The following MED24 variants were observed in gnomAD, a reference collection of about 807,000 sequenced individuals.
The protein encoded by MED24 is mediator complex subunit 24, also known as mediator of RNA polymerase II transcription subunit 24.
A neutral mutation model predicts 118.8 loss-of-function variants in MED24; 74 were observed. The ratio of observed to expected loss-of-function variants is 0.62; its 90% CI spans 0.52 to 0.76. The LOEUF (loss-of-function observed/expected upper bound fraction) is 0.76, where lower values mean the gene tolerates loss of function less well. Ranked by LOEUF, MED24 falls within the 30% of genes least tolerant of loss-of-function variation. The probability of loss-of-function intolerance (pLI) is 0.00; values close to 1 mark genes in which losing one functional copy is unlikely to be tolerated. For synonymous variants in MED24, 521 were observed against 523.9 expected, an observed-to-expected ratio of 0.99 and a Z score of 0.08; for missense variants, 1,041 against 1,278.9, an observed-to-expected ratio of 0.81 and a Z score of 2.84.
chr17:40,028,199 T>A (rs1315746999), intron 14 of MED24: 2 of 417,276 alleles, frequency 4.8e-6, no homozygotes, highest in Non-Finnish European at 4.4e-6. Flanking sequence ...CACTGCAACC[T>A]CCGCCTCTGT....
intron 3 of MED24, among the ~76,000 whole-genome samples, chr17:40,038,209 TCTAGCATC>T (rs138457513): frequency 0.2 from 30,647 of 151,994 alleles, 3,074 homozygotes; most frequent in South Asian, 0.27. Flanking sequence ...TATCTGTTTC[TCTAGCATC>T]CAGCCCAAGA....
At position 40,022,001 on chromosome 17, in the gene MED24, T is replaced by G. The variant is rs764313111; in HGVS notation, c.2577A>C (p.Arg859=). 1 of 1,611,806 alleles carries G rather than the reference T, an allele frequency of 6.2e-7. No individual in the cohort carries two copies. The highest frequency in any genetic ancestry group is 1.7e-4 in the Middle Eastern group (1 of 6,050). The part of the protein sequence containing the change: ...LDDVQPSKLM[R]LLSSNEDDAN... ...CATCGTCCTCATTAGAGCTCAGCAG[T>G]CGCATCAACTTCGAAGGCTGCACAT... Residue 859 remains arginine (R), a synonymous_variant, in exon 23 of 26, where the codon CGA becomes CGC. Transcript: ENST00000394128.
rs1984924335 is a variant in MED24 at position 40,044,394 on chromosome 17, C to T, written c.214-8240G>A. Among the ~76,000 whole-genome samples, 7 of 151,518 alleles carry T rather than the reference C, an allele frequency of 4.6e-5. 1 individual carries two copies. In the South Asian group the frequency reaches 1.5e-3, roughly 32 times the overall value. Reference sequence around the variant, plus strand: ...AATTAGCTGGGCATGGTGGCGCATGCCTGTAATCCCAGCTACTCGGGAGGC... The same window carrying T: ...AATTAGCTGGGCATGGTGGCGCATGTCTGTAATCCCAGCTACTCGGGAGGC... On this transcript the variant is annotated intron_variant, in intron 3 of 25. Coordinates refer to ENST00000394128, the MANE Select transcript of MED24 (RefSeq NM_014815.4).
In MED24 at chr17:40,029,731, G is replaced by C; in HGVS notation, c.1266+17C>G. On this transcript the variant is annotated intron_variant, in intron 13 of 25. Transcript: ENST00000394128. Reference sequence around the variant, plus strand: ...AAGAAAGAGAAGACTGTGGTGGCCAGGGAAGGGCACACTCACCTTGAGGAT... The same window carrying C: ...AAGAAAGAGAAGACTGTGGTGGCCACGGAAGGGCACACTCACCTTGAGGAT... The C allele has an allele frequency of 6.2e-7, 1 of 1,608,080 alleles. No homozygotes were observed. The highest frequency in any genetic ancestry group is 1.7e-4 in the Middle Eastern group (1 of 6,054).
chr17:40,048,397 CAT>C (rs1985476688), intron 3 of MED24, among the ~76,000 whole-genome samples: 1 of 152,296 alleles, frequency 6.6e-6, no homozygotes, highest in Admixed American at 6.5e-5. Flanking sequence ...AGCTCCATAA[CAT>C]GTGAGAATAT....
In MED24 at chr17:40,019,179, C is replaced by CACACACACACAA; in HGVS notation, c.*349_*350insTTGTGTGTGTGT. 1 of 192,822 alleles carries CACACACACACAA rather than the reference C, an allele frequency of 5.2e-6. No individual in the cohort carries two copies. Among genetic ancestry groups the CACACACACACAA allele is most frequent in the African/African-American group, 3.0e-5 (1 of 33,898 alleles). 11.9% of individuals were successfully genotyped at this position (192,822 alleles called of 1,614,324 possible). On this transcript the variant is annotated 3_prime_UTR_variant, in exon 26 of 26. Coordinates refer to ENST00000394128, the MANE Select transcript of MED24 (RefSeq NM_014815.4). Reference sequence around the variant, plus strand: ...ACATATTACAAAATACACACAAACACACACACACACACACACACACACACA... The same window carrying CACACACACACAA: ...ACATATTACAAAATACACACAAACACACACACACACAAACACACACACACACACACACACACA...
chr17:40,032,179 C>T, intron 9 of MED24, 89 bp from the exon 10 acceptor site: 1 of 1,447,844 alleles, frequency 6.9e-7, no homozygotes. Context: ...ACCCCTGCTC[C>T]AGGAAGAGAG....
In MED24 at chr17:40,019,620, G is replaced by A; in HGVS notation, c.2879C>T (p.Ala960Val). 1 of 1,602,630 alleles carries A rather than the reference G, an allele frequency of 6.2e-7. No individual in the cohort carries two copies. Among genetic ancestry groups the A allele is most frequent in the South Asian group, 1.1e-5 (1 of 90,098 alleles). The change falls in exon 26 of 26, where the codon GCC becomes GTC. Residue 960 changes from alanine (A) to valine (V), a missense_variant. Ala to Val is a moderately conservative substitution (Grantham distance 64). Coordinates refer to ENST00000394128, the MANE Select transcript of MED24 (RefSeq NM_014815.4). Reference sequence around the variant, plus strand: ...CAGAACCACCTTGGGGCTGGACATGGCTGACACCTTCACCAGTTCCGACAC... The same window carrying A: ...CAGAACCACCTTGGGGCTGGACATGACTGACACCTTCACCAGTTCCGACAC... Reference protein sequence around the residue: ...TTVSELVKVSAMSSPKVVLAI... With the variant: ...TTVSELVKVSVMSSPKVVLAI...
At chr17:40,043,281 T>C (rs1984749136) in intron 3 of MED24, among the ~76,000 whole-genome samples, 1 of 152,126 alleles carries the variant, frequency 6.6e-6, no homozygotes, top group African/African-American at 2.4e-5. Flanking sequence ...CCTTCCCAGA[T>C]CCCGTTGTCT....
At position 40,019,652 on chromosome 17, in the gene MED24, C is replaced by G; in HGVS notation, c.2854-7G>C. On this transcript the variant is annotated splice_region_variant and splice_polypyrimidine_tract_variant and intron_variant, in intron 25 of 25. Transcript: ENST00000394128. Reference sequence around the variant, plus strand: ...CCTTCACCAGTTCCGACACCTGCCACGGACAGACAGATGCTGCTTGCGGGA... The same window carrying G: ...CCTTCACCAGTTCCGACACCTGCCAGGGACAGACAGATGCTGCTTGCGGGA... The G allele has an allele frequency of 6.3e-7, 1 of 1,588,148 alleles. No individual in the cohort carries two copies. The highest frequency in any genetic ancestry group is 8.6e-7 in the Non-Finnish European group (1 of 1,163,468).
Position 40,022,025 on chromosome 17 carries a change from A to T in MED24, c.2553T>A (p.Asp851Glu). 3.1e-6 allele frequency: 5 copies of T among 1,611,720 alleles called. No individual in the cohort carries two copies. The highest frequency in any genetic ancestry group is 4.2e-6 in the Non-Finnish European group (5 of 1,178,844). ...GTCGCATCAACTTCGAAGGCTGCAC[A>T]TCGTCCAGGGGGAAGAGGCTGATAT... ...EDYISLFPLD[D>E]VQPSKLMRLL... Residue 851 changes from aspartate to glutamate, a missense_variant, in exon 23 of 26, where the codon GAT (aspartate) becomes GAA (glutamate). Physicochemically the swap from Asp to Glu is conservative, Grantham distance 45. Coordinates refer to ENST00000394128, the MANE Select transcript of MED24 (RefSeq NM_014815.4).
At chr17:40,041,911 C>G (rs1956279033) in intron 3 of MED24, among the ~76,000 whole-genome samples, 1 of 152,182 alleles carries the variant, frequency 6.6e-6, no homozygotes, top group African/African-American at 2.4e-5. Context: ...TGGCTCATCA[C>G]TATTTTTCTT....
chr17:40,049,664 T>C (rs1289426093), intron 3 of MED24, among the ~76,000 whole-genome samples: 5 of 151,904 alleles, frequency 3.3e-5, no homozygotes, highest in Non-Finnish European at 7.4e-5. Flanking sequence ...GTAGCTGGGA[T>C]TACAGGCACT....
Position 40,022,474 on chromosome 17 carries a change from A to G in MED24, c.2443T>C (p.Trp815Arg). The G allele has an allele frequency of 6.2e-7, 1 of 1,609,126 alleles. No individual in the cohort carries two copies. The highest frequency in any genetic ancestry group is 8.5e-7 in the Non-Finnish European group (1 of 1,177,956). The stretch of plus-strand genomic sequence containing the variant: ...GAGGAGTAGGAACTGAGGGCACACC[A>G]CACGGCCAGCCTGGCAAAGGGTTCC... ...PGTALAKLAV[W>R]CALSSYSSHK... The change falls in exon 22 of 26, where the codon TGG (tryptophan) becomes CGG (arginine). Residue 815 changes from tryptophan to arginine, a missense_variant. Trp to Arg is a moderately radical substitution (Grantham distance 101, BLOSUM62 -3). Transcript: ENST00000394128.
At chr17:40,052,463 C>A (rs1009661373) in intron 3 of MED24, among the ~76,000 whole-genome samples, 1 of 152,162 alleles carries the variant, frequency 6.6e-6, no homozygotes, top group African/African-American at 2.4e-5. Flanking sequence ...GTCTATATTA[C>A]CCACTAAATT....
chr17:40,044,402 C>T (rs1984924953), intron 3 of MED24, among the ~76,000 whole-genome samples: 1 of 151,432 alleles, frequency 6.6e-6, no homozygotes, highest in Non-Finnish European at 1.5e-5. Context: ...TGCCTGTAAT[C>T]CCAGCTACTC....
chr17:40,028,186 G>C, intron 14 of MED24: 1 of 440,850 alleles, frequency 2.3e-6, no homozygotes, highest in Non-Finnish European at 4.2e-6. Context: ...CACAATCTCA[G>C]CTCACTGCAA....
In MED24 at chr17:40,031,632, C is replaced by T; in HGVS notation, c.985-12G>A. The stretch of plus-strand genomic sequence containing the variant: ...TCCTCAGTGAAGTCCTAGAAAGAGG[C>T]AGAAGTGTCCATCTGGTTTCCAGGG... On this transcript the variant is annotated splice_polypyrimidine_tract_variant and intron_variant, in intron 10 of 25. Transcript: ENST00000394128. 1 of 1,612,080 alleles carries T rather than the reference C, an allele frequency of 6.2e-7. No individual in the cohort carries two copies.
At position 40,043,890 on chromosome 17, in the gene MED24, C is replaced by CAAAAAAAAAAAAAAAAAAAAA. The variant is rs35743512; in HGVS notation, c.214-7737_214-7736insTTTTTTTTTTTTTTTTTTTTT. Among the ~76,000 whole-genome samples, 156 of 97,384 alleles carry CAAAAAAAAAAAAAAAAAAAAA rather than the reference C, an allele frequency of 1.6e-3. 6 individuals carry two copies. Among genetic ancestry groups the CAAAAAAAAAAAAAAAAAAAAA allele is most frequent in the South Asian group, 2.5e-3 (7 of 2,798 alleles). 63.9% of individuals were successfully genotyped at this position (97,384 alleles called of 152,430 possible). On this transcript the variant is annotated intron_variant, in intron 3 of 25. Coordinates refer to ENST00000394128, the MANE Select transcript of MED24 (RefSeq NM_014815.4). The stretch of plus-strand genomic sequence containing the variant: ...TGGGCAGAAGAGCGAGACTCCATCT[C>CAAAAAAAAAAAAAAAAAAAAA]AAAAAAAAAAAAAACAAAGATTTAA...
Sources: allele counts gnomAD v4.1 joint callset (sites outside exome capture counted in the v4.1 genomes callset), GRCh38; gene constraint gnomAD v4.1.1; transcripts MANE v1.5; gene names NCBI Gene and HGNC (gene_info 2026-07-23, HGNC 2026-07-21).